The following CCDC178 variants were observed in gnomAD, a reference collection of about 807,000 sequenced individuals.
CCDC178 encodes coiled-coil domain containing 178.
In CCDC178, 126 loss-of-function variants were observed where a neutral mutation model predicts 117.4. That is an observed-to-expected ratio of 1.07 (90% CI 0.93 to 1.24). CCDC178 has a LOEUF of 1.24. Among genes scored for constraint, CCDC178 ranks in the 50% most tolerant of loss-of-function variants. The pLI is 0.00. For synonymous variants in CCDC178, 283 were observed against 313.4 expected, an observed-to-expected ratio of 0.90 and a Z score of 1.02; for missense variants, 1,030 against 986.9, an observed-to-expected ratio of 1.04 and a Z score of -0.59.
intron 20 of CCDC178, among the ~76,000 whole-genome samples, chr18:33,191,417 T>C (rs892007294): frequency 2.0e-5 from 3 of 152,192 alleles, no homozygotes; most frequent in African/African-American, 7.2e-5. Context: ...ATAACTACTT[T>C]ATTTCAACTT....
chr18:33,270,835 A>G (rs1195660654), intron 12 of CCDC178, among the ~76,000 whole-genome samples: 2 of 151,574 alleles, frequency 1.3e-5, no homozygotes, highest in East Asian at 3.9e-4. Context: ...TTAAAAATGT[A>G]TAAACGTATT....
chr18:33,416,426 C>T (rs1347194336), intron 2 of CCDC178, among the ~76,000 whole-genome samples: 2 of 77,976 alleles, frequency 2.6e-5, no homozygotes, highest in South Asian at 7.6e-4. Flanking sequence ...GACTCTGTCT[C>T]GAAAAAAAAA....
intron 21 of CCDC178, among the ~76,000 whole-genome samples, chr18:33,067,242 A>G (rs917540895): frequency 6.6e-6 from 1 of 152,212 alleles, no homozygotes; most frequent in African/African-American, 2.4e-5. Context: ...AAACAACAAG[A>G]TCTTGAACAA....
At chr18:33,193,249 C>G (rs1371773297) in intron 20 of CCDC178, among the ~76,000 whole-genome samples, 3 of 104,528 alleles carry the variant, frequency 2.9e-5, no homozygotes, top group African/African-American at 7.7e-5. Context: ...GGCAACAGAG[C>G]GAGACTCCGT....
Position 33,368,312 on chromosome 18 carries a change from G to A in CCDC178, c.348+1738C>T, listed in dbSNP as rs1289630457. 5.3e-5 allele frequency among the ~76,000 whole-genome samples: 8 copies of A among 152,012 alleles called. No homozygotes were observed. The East Asian group carries it at 1.5e-3, about 29-fold the overall frequency. ...AGGTGCCTCAGATGTATGCAGAATA[G>A]AAAGGTTCTGTTTTAGATCTTCATT... On this transcript the variant is annotated intron_variant, in intron 6 of 22. Transcript: ENST00000383096.
At chr18:33,105,504 A>G (rs2057693023) in intron 20 of CCDC178, among the ~76,000 whole-genome samples, 1 of 151,594 alleles carries the variant, frequency 6.6e-6, no homozygotes, top group Admixed American at 6.6e-5. Flanking sequence ...ATTACTAATA[A>G]TTTTTATATT....
chr18:33,142,452 G>A (rs1339010977), intron 20 of CCDC178, among the ~76,000 whole-genome samples: 4 of 152,142 alleles, frequency 2.6e-5, no homozygotes, highest in Non-Finnish European at 4.4e-5. Context: ...AGAGAGAAGA[G>A]TAAATGGGTT....
intron 7 of CCDC178, among the ~76,000 whole-genome samples, chr18:33,350,001 C>T (rs1296019675): frequency 6.6e-6 from 1 of 151,814 alleles, no homozygotes; most frequent in Admixed American, 6.6e-5. Context: ...TCTGTCAATT[C>T]CAAGGTCAGA....
At chr18:33,170,665 T>C (rs1393776817) in intron 20 of CCDC178, among the ~76,000 whole-genome samples, 2 of 152,086 alleles carry the variant, frequency 1.3e-5, no homozygotes, top group African/African-American at 2.4e-5. Context: ...TTAAGTGATA[T>C]AAATATAAAT....
At chr18:33,103,945 C>T (rs1428654900) in intron 20 of CCDC178, among the ~76,000 whole-genome samples, 3 of 151,714 alleles carry the variant, frequency 2.0e-5, no homozygotes, top group Admixed American at 6.6e-5. Context: ...AATATTATAG[C>T]CACACAGAAT....
intron 22 of CCDC178, among the ~76,000 whole-genome samples, chr18:32,945,919 T>C (rs1379648063): frequency 6.6e-6 from 1 of 152,202 alleles, no homozygotes; most frequent in Non-Finnish European, 1.5e-5. Context: ...GTGTTTGCTT[T>C]AATTTTTTTT....
chr18:33,074,609 T>C (rs1420774333), intron 21 of CCDC178, among the ~76,000 whole-genome samples: 1 of 152,164 alleles, frequency 6.6e-6, no homozygotes, highest in East Asian at 1.9e-4. Context: ...ACAAGAGATA[T>C]TCTGTCTAGT....
At chr18:33,207,548 G>A (rs7235337) in intron 20 of CCDC178, among the ~76,000 whole-genome samples, 24,264 of 149,700 alleles carry the variant, frequency 0.16, 2,740 homozygotes, top group African/African-American at 0.32. Context: ...AATGTTCCCT[G>A]AGAAAATCAT....
intron 20 of CCDC178, among the ~76,000 whole-genome samples, chr18:33,179,504 A>G (rs576801523): frequency 6.6e-6 from 1 of 152,030 alleles, no homozygotes; most frequent in African/African-American, 2.4e-5. Context: ...CTCTGCCATA[A>G]CACAAAGGAA....
intron 22 of CCDC178, among the ~76,000 whole-genome samples, chr18:32,950,552 G>A (rs1468758479): frequency 6.6e-6 from 1 of 152,034 alleles, no homozygotes; most frequent in Non-Finnish European, 1.5e-5. Flanking sequence ...TTTACTTTCA[G>A]TAGTACTTTT....
chr18:33,336,266 T>C (rs1222618563), intron 9 of CCDC178, among the ~76,000 whole-genome samples: 7 of 152,114 alleles, frequency 4.6e-5, no homozygotes, highest in Non-Finnish European at 1.0e-4. Context: ...TGTCCTGATC[T>C]CTAATTAGAC....
intron 22 of CCDC178, among the ~76,000 whole-genome samples, chr18:32,965,897 G>T (rs2054802868): frequency 1.4e-5 from 2 of 145,692 alleles, no homozygotes; most frequent in South Asian, 2.2e-4. Context: ...TTTCCTATTG[G>T]GTTATATTAT....
intron 7 of CCDC178, among the ~76,000 whole-genome samples, chr18:33,355,954 C>T (rs2063050074): frequency 6.6e-6 from 1 of 152,170 alleles, no homozygotes; most frequent in Non-Finnish European, 1.5e-5. Flanking sequence ...CTGGAGAATG[C>T]TGAGCAGGCA....
At chr18:33,211,402 T>C (rs890914319) in intron 20 of CCDC178, among the ~76,000 whole-genome samples, 1 of 151,850 alleles carries the variant, frequency 6.6e-6, no homozygotes, top group Non-Finnish European at 1.5e-5. Flanking sequence ...AGTTCAGGCC[T>C]AAAAGAACTT....
Sources: allele counts gnomAD v4.1 joint callset (sites outside exome capture counted in the v4.1 genomes callset), GRCh38; gene constraint gnomAD v4.1.1; transcripts MANE v1.5; gene names NCBI Gene and HGNC (gene_info 2026-07-23, HGNC 2026-07-21).